The following SIPA1L1 variants were observed in gnomAD, a reference collection of about 807,000 sequenced individuals.
SIPA1L1 encodes signal induced proliferation associated 1 like 1, also known as signal-induced proliferation-associated 1-like protein 1.
Under a neutral mutation model 162.7 loss-of-function variants are expected in SIPA1L1, and 26 were observed. The observed-to-expected ratio is 0.16, with a 90% CI of 0.12 to 0.22. SIPA1L1 has a LOEUF of 0.22. SIPA1L1 is among the 10% of genes least tolerant of loss of function. The pLI is 1.00. For missense variants in SIPA1L1, 1,874 were observed against 2,241.0 expected (o/e 0.84, Z 3.31); for synonymous variants, 829 against 837.4 (o/e 0.99, Z 0.17).
Position 71,702,363 on chromosome 14 carries a change from T to C in SIPA1L1, c.3522-18T>C, listed in dbSNP as rs1484424486. ...AAGGTCCCTGATGTTGTCTTTGCCT[T>C]TGCGGAAATCACCACAGGTTTGGAG... On this transcript the variant is annotated intron_variant, in intron 14 of 23. Coordinates refer to ENST00000381232, the MANE Select transcript of SIPA1L1 (RefSeq NM_001386936.1). 1.2e-6 allele frequency: 2 copies of C among 1,613,686 alleles called. No homozygotes were observed. The highest frequency in any genetic ancestry group is 1.7e-6 in the Non-Finnish European group (2 of 1,179,744).
At chr14:71,558,223 A>C (rs1033346695) in intron 4 of SIPA1L1, among the ~76,000 whole-genome samples, 2 of 152,304 alleles carry the variant, frequency 1.3e-5, no homozygotes, top group African/African-American at 4.8e-5. Flanking sequence ...TGTTGAGTGA[A>C]TATCAGGGCA....
chr14:71,685,620 A>G lies in SIPA1L1; in HGVS notation c.3363A>G (p.Pro1121=). 2 of 1,614,040 alleles carry G rather than the reference A, an allele frequency of 1.2e-6. No individual in the cohort carries two copies. Among genetic ancestry groups the G allele is most frequent in the African/African-American group, 1.3e-5 (1 of 75,020 alleles). Residue 1121 remains proline (P), a synonymous_variant, in exon 13 of 24, where the codon CCA becomes CCG. Transcript: ENST00000381232. ...IPRSISSDGR[P]LERRLSPGSD... ...GAAGCATCTCCAGTGACGGGCGCCC[A>G]CTAGAGAGGCGGTAAGTGTGCCTTC...
intron 2 of SIPA1L1, among the ~76,000 whole-genome samples, chr14:71,485,004 C>G (rs181980628): frequency 1.3e-5 from 2 of 152,282 alleles, no homozygotes; most frequent in African/African-American, 4.8e-5. Context: ...TTACTCCATC[C>G]CAGCCCTGTG....
intron 2 of SIPA1L1, among the ~76,000 whole-genome samples, chr14:71,476,371 C>T (rs761693238): frequency 6.6e-6 from 1 of 152,126 alleles, no homozygotes; most frequent in Non-Finnish European, 1.5e-5. Flanking sequence ...TGAACATTAG[C>T]GTTCTTGCTG....
intron 3 of SIPA1L1, among the ~76,000 whole-genome samples, chr14:71,527,598 G>A (rs1026486781): frequency 2.0e-5 from 3 of 151,896 alleles, no homozygotes; most frequent in East Asian, 1.9e-4. Context: ...GTTTTGAGGC[G>A]TCCACTTTTC....
chr14:71,562,283 T>C (rs1017717772), intron 4 of SIPA1L1, among the ~76,000 whole-genome samples: 2 of 152,046 alleles, frequency 1.3e-5, no homozygotes, highest in Non-Finnish European at 1.5e-5. Context: ...TAGGACATAG[T>C]AAATTACCCA....
intron 2 of SIPA1L1, among the ~76,000 whole-genome samples, chr14:71,502,255 A>AAATATATATATATATAT (rs67020418): frequency 8.3e-4 from 81 of 97,520 alleles, no homozygotes; most frequent in African/African-American, 3.1e-3. Context: ...AAAAAAAAAA[A>AAATATATATATATATAT]ATATATATAT....
At chr14:71,552,293 A>G (rs186504339) in intron 4 of SIPA1L1, among the ~76,000 whole-genome samples, 6 of 152,378 alleles carry the variant, frequency 3.9e-5, no homozygotes, top group Non-Finnish European at 5.9e-5. Flanking sequence ...CACAAAAGGT[A>G]CAGAATATCA....
intron 2 of SIPA1L1, among the ~76,000 whole-genome samples, chr14:71,420,593 T>G (rs929298048): frequency 8.5e-5 from 13 of 152,224 alleles, no homozygotes; most frequent in African/African-American, 3.1e-4. Flanking sequence ...GCTATCACTT[T>G]TACTTATTAT....
intron 17 of SIPA1L1, among the ~76,000 whole-genome samples, chr14:71,721,581 C>T (rs2083738970): frequency 6.6e-6 from 1 of 152,214 alleles, no homozygotes; most frequent in South Asian, 2.1e-4. Flanking sequence ...GAGCAAAGTT[C>T]TGGAATCGAG....
At position 71,623,947 on chromosome 14, in the gene SIPA1L1, G is replaced by A. The variant is rs771097031; in HGVS notation, c.1630-101G>A. On this transcript the variant is annotated intron_variant, in intron 6 of 23. Transcript: ENST00000381232. ...TTTACCCATCAAAAATCATTCCCTA[G>A]CTCTGTGAGGAGCCCCACAGTTCAG... is the stretch of plus-strand genomic sequence containing the variant. 2.5e-5 allele frequency: 23 copies of A among 934,180 alleles called. 1 individual carries two copies. In the East Asian group the frequency reaches 5.1e-4, roughly 21 times the overall value. 57.9% of individuals were successfully genotyped at this position (934,180 alleles called of 1,614,324 possible).
intron 2 of SIPA1L1, among the ~76,000 whole-genome samples, chr14:71,452,014 G>T (rs998163460): frequency 1.3e-5 from 2 of 152,088 alleles, no homozygotes; most frequent in African/African-American, 4.8e-5. Flanking sequence ...TAAATACCTT[G>T]ACTTACTTGC....
intron 4 of SIPA1L1, among the ~76,000 whole-genome samples, chr14:71,583,462 G>A (rs1000896242): frequency 3.3e-5 from 5 of 152,158 alleles, no homozygotes; most frequent in African/African-American, 1.2e-4. Context: ...GAATGTGGAA[G>A]TATTTTATGA....
rs144804576 is a variant in SIPA1L1, at chr14:71,439,504, A to G, written c.-464-73239A>G. Among the ~76,000 whole-genome samples the G allele has an allele frequency of 3.2e-4, 49 of 152,358 alleles. 3 individuals carry two copies. The East Asian group carries it at 9.4e-3, about 29-fold the overall frequency. On this transcript the variant is annotated intron_variant, in intron 2 of 23. Coordinates refer to ENST00000381232, the MANE Select transcript of SIPA1L1 (RefSeq NM_001386936.1). ...TGAGTCAACTTTAATTTGATTAATA[A>G]CTTAAAACCCTCTACCATAGTATAT...
At chr14:71,382,281 A>G (rs868479810) in intron 2 of SIPA1L1, among the ~76,000 whole-genome samples, 17 of 152,242 alleles carry the variant, frequency 1.1e-4, no homozygotes, top group African/African-American at 2.9e-4. Context: ...TGGTGCTGAT[A>G]TTATTATTGC....
chr14:71,373,335 A>C (rs1213634274), intron 2 of SIPA1L1, among the ~76,000 whole-genome samples: 1 of 148,860 alleles, frequency 6.7e-6, no homozygotes, highest in Non-Finnish European at 1.5e-5. Context: ...AAAAGTTACC[A>C]GTATTGGACG....
intron 17 of SIPA1L1, among the ~76,000 whole-genome samples, chr14:71,715,187 A>T (rs2083174364): frequency 6.6e-6 from 1 of 152,216 alleles, no homozygotes; most frequent in Non-Finnish European, 1.5e-5. Context: ...AGAGGAACAT[A>T]AGGAAAATAG....
rs1363557430 is a variant in SIPA1L1 at position 71,367,608 on chromosome 14, T to C, written c.-465+46427T>C. Among the ~76,000 whole-genome samples, 96 of 106,492 alleles carry C rather than the reference T, an allele frequency of 9.0e-4. 4 individuals are homozygous for C. The South Asian group carries it at 0.015, about 16-fold the overall frequency. 69.9% of individuals were successfully genotyped at this position (106,492 alleles called of 152,430 possible). On this transcript the variant is annotated intron_variant, in intron 2 of 23. Coordinates refer to ENST00000381232, the MANE Select transcript of SIPA1L1 (RefSeq NM_001386936.1). Reference sequence around the variant, plus strand: ...CAGGTGTGAGCCACCGTGCCCGGCCTTTTTTTTTTTTTTTTTGGAGACAGG... The same window carrying C: ...CAGGTGTGAGCCACCGTGCCCGGCCCTTTTTTTTTTTTTTTTGGAGACAGG...
chr14:71,405,294 G>A (rs2041960658), intron 2 of SIPA1L1, among the ~76,000 whole-genome samples: 1 of 152,228 alleles, frequency 6.6e-6, no homozygotes, highest in Non-Finnish European at 1.5e-5. Context: ...AGGCAGGAAA[G>A]AACTTGGCTC....
Sources: allele counts gnomAD v4.1 joint callset (sites outside exome capture counted in the v4.1 genomes callset), GRCh38; gene constraint gnomAD v4.1.1; transcripts MANE v1.5; gene names NCBI Gene and HGNC (gene_info 2026-07-23, HGNC 2026-07-21).